TLR6: variants seen among roughly 807,000 people sequenced by gnomAD.
The protein encoded by TLR6 is toll-like receptor 6.
In TLR6, 9 loss-of-function variants were observed where a neutral mutation model predicts 16.1. The ratio of observed to expected loss-of-function variants is 0.56; its 90% CI spans 0.34 to 0.98. TLR6 has a LOEUF of 0.98. Among genes scored for constraint, TLR6 ranks in the 50% least tolerant of loss-of-function variants. The pLI is 0.02. For missense variants in TLR6, 786 were observed against 921.0 expected (o/e 0.85, Z 1.90); for synonymous variants, 340 against 338.6 (o/e 1.00, Z -0.04).
upstream of TLR6, among the ~76,000 whole-genome samples, chr4:38,858,291 A>G (rs1020582322): frequency 8.5e-5 from 13 of 152,256 alleles, no homozygotes; most frequent in African/African-American, 3.1e-4. Context: ...TTTAGGAAAG[A>G]TAATGAATTT....
At chr4:38,839,893 C>T (rs1384353972) in intron 1 of TLR6, among the ~76,000 whole-genome samples, 1 of 152,214 alleles carries the variant, frequency 6.6e-6, no homozygotes, top group East Asian at 1.9e-4. Flanking sequence ...GGGCACTCGA[C>T]AGTGGTGCCA....
chr4:38,845,645 A>C lies in TLR6; in HGVS notation c.-65+11116T>G, dbSNP rs1712493944. Among the ~76,000 whole-genome samples the C allele has an allele frequency of 2.0e-5, 3 of 152,350 alleles. No homozygotes were observed. In the South Asian group the frequency reaches 6.2e-4, roughly 32 times the overall value. On this transcript the variant is annotated intron_variant, in intron 1 of 1. Coordinates refer to ENST00000436693, the Ensembl canonical transcript of TLR6. Reference sequence around the variant, plus strand: ...GGCAAGTACCTGGATTCCCTCCTAGAGCCTCCAGAAAGAATGCAGCCTTGC... The same window carrying C: ...GGCAAGTACCTGGATTCCCTCCTAGCGCCTCCAGAAAGAATGCAGCCTTGC...
At chr4:38,850,889 C>G (rs1256199325) in intron 1 of TLR6, among the ~76,000 whole-genome samples, 1 of 152,142 alleles carries the variant, frequency 6.6e-6, no homozygotes, top group Non-Finnish European at 1.5e-5. Context: ...ATGAGGCCAG[C>G]ATCATCCTGA....
chr4:38,828,256 T>A, exon 2 of TLR6: 1 of 1,613,618 alleles, frequency 6.2e-7, no homozygotes, highest in Non-Finnish European at 8.5e-7. Context: ...CATCCAGTAT[T>A]TCCAAAGAAG....
chr4:38,829,515 G>T, exon 2 of TLR6: 1 of 1,269,024 alleles, frequency 7.9e-7, no homozygotes, highest in Non-Finnish European at 1.1e-6. Context: ...CTTCTTCAGA[G>T]CATCTTGATA....
chr4:38,829,321 C>T (rs554325518), exon 2 of TLR6: 26 of 1,614,126 alleles, frequency 1.6e-5, no homozygotes, highest in South Asian at 5.5e-5. Flanking sequence ...TGGTTTTCAG[C>T]GGTAGGTCTT....
the TLR6 span, among the ~76,000 whole-genome samples, chr4:38,864,433 A>G: frequency 1.9e-4 from 29 of 152,326 alleles, no homozygotes; most frequent in African/African-American, 6.5e-4. Flanking sequence ...TTTCCTAGAT[A>G]CTAAAAAATA....
At chr4:38,858,999 G>C (rs1373700405), upstream of TLR6, among the ~76,000 whole-genome samples, 2 of 152,202 alleles carry the variant, frequency 1.3e-5, no homozygotes, top group African/African-American at 2.4e-5. Flanking sequence ...CTTCTTGCCA[G>C]GCATTGCTGT....
the TLR6 span, among the ~76,000 whole-genome samples, chr4:38,862,918 A>G: frequency 8.0e-6 from 1 of 124,592 alleles, no homozygotes; most frequent in South Asian, 2.7e-4. Flanking sequence ...TAAAGCAATA[A>G]TTTCTCCCAT....
At chr4:38,846,135 G>A (rs1332349329) in intron 1 of TLR6, among the ~76,000 whole-genome samples, 1 of 151,392 alleles carries the variant, frequency 6.6e-6, no homozygotes, top group Non-Finnish European at 1.5e-5. Flanking sequence ...AGTAGAGACT[G>A]GTTTGATCCA....
intron 1 of TLR6, among the ~76,000 whole-genome samples, chr4:38,854,529 G>C (rs1229750506): frequency 6.8e-6 from 1 of 146,772 alleles, no homozygotes; most frequent in Non-Finnish European, 1.5e-5. Flanking sequence ...TAAAAGGCAA[G>C]ATTTTTTTTT....
At chr4:38,851,365 T>G (rs181191862) in intron 1 of TLR6, among the ~76,000 whole-genome samples, 45 of 152,228 alleles carry the variant, frequency 3.0e-4, no homozygotes, top group African/African-American at 1.1e-3. Context: ...ATATTCAACA[T>G]AGTGTTGGAA....
upstream of TLR6, among the ~76,000 whole-genome samples, chr4:38,859,600 T>C (rs1471151542): frequency 6.9e-6 from 1 of 144,202 alleles, no homozygotes; most frequent in Non-Finnish European, 1.5e-5. Context: ...GGTCTCGCTC[T>C]GTTGCCCAGG....
At chr4:38,867,704 T>TGGGGCGGGGCGCAGGCGGGGC in the TLR6 span, 2 of 151,040 alleles carry the variant, frequency 1.3e-5, no homozygotes, top group Non-Finnish European at 3.0e-5. Context: ...GCGCTCCTCG[T>TGGGGCGGGGCGCAGGCGGGGC]GGGGCGGGGC....
intron 1 of TLR6, among the ~76,000 whole-genome samples, chr4:38,848,544 G>A (rs1044988052): frequency 1.2e-4 from 18 of 152,206 alleles, no homozygotes; most frequent in Non-Finnish European, 7.3e-5. Flanking sequence ...AAGATTAGAC[G>A]AATGGCTAGC....
At chr4:38,858,887 G>GAAAGAAAGAAAGAA (rs1228149820), upstream of TLR6, among the ~76,000 whole-genome samples, 1 of 44,938 alleles carries the variant, frequency 2.2e-5, no homozygotes, top group East Asian at 7.4e-4. Flanking sequence ...AAGAAAGAAA[G>GAAAGAAAGAAAGAA]AGAGAAAGAA....
At chr4:38,865,544 C>T in the TLR6 span, among the ~76,000 whole-genome samples, 56 of 152,156 alleles carry the variant, frequency 3.7e-4, no homozygotes, top group Admixed American at 3.3e-3. Flanking sequence ...GGCAGGTTAG[C>T]AAAGGTGCTT....
At chr4:38,837,997 T>C (rs1056470203) in intron 1 of TLR6, among the ~76,000 whole-genome samples, 2 of 152,060 alleles carry the variant, frequency 1.3e-5, no homozygotes, top group Non-Finnish European at 2.9e-5. Context: ...ATGAAAAAAA[T>C]GCTCACCATG....
intron 1 of TLR6, among the ~76,000 whole-genome samples, chr4:38,853,473 G>A (rs1396474860): frequency 6.6e-6 from 1 of 151,860 alleles, no homozygotes; most frequent in African/African-American, 2.4e-5. Context: ...CTGAAATGAA[G>A]AAAGAAAATC....
Sources: allele counts gnomAD v4.1 joint callset (sites outside exome capture counted in the v4.1 genomes callset), GRCh38; gene constraint gnomAD v4.1.1; transcripts MANE v1.5; gene names NCBI Gene and HGNC (gene_info 2026-07-23, HGNC 2026-07-21).